USH2A: variants seen among roughly 807,000 people sequenced by gnomAD.
USH2A encodes the protein Usher syndrome 2A (autosomal recessive, mild).
A neutral mutation model predicts 538.9 loss-of-function variants in USH2A; 443 were observed. That is an observed-to-expected ratio of 0.82 (90% CI 0.76 to 0.89). USH2A has a LOEUF of 0.89. Among genes scored for constraint, USH2A ranks in the 40% least tolerant of loss-of-function variants. The pLI, the probability that USH2A is intolerant of heterozygous loss-of-function variation, is 0.00. For missense variants in USH2A, 6,633 were observed against 6,324.8 expected, an observed-to-expected ratio of 1.05 and a Z score of -1.65; for synonymous variants, 2,413 against 2,273.5, an observed-to-expected ratio of 1.06 and a Z score of -1.75.
chr1:216,393,018 T>C (rs573200539), intron 3 of USH2A, among the ~76,000 whole-genome samples: 18 of 152,356 alleles, frequency 1.2e-4, no homozygotes, highest in African/African-American at 3.8e-4. Flanking sequence ...TAAAAAGTGT[T>C]GTATACATAG....
At chr1:216,037,919 A>G (rs1273444771) in intron 32 of USH2A, among the ~76,000 whole-genome samples, 2 of 151,712 alleles carry the variant, frequency 1.3e-5, no homozygotes, top group African/African-American at 4.8e-5. Context: ...GCTCTCACTT[A>G]TAAGTGAGAA....
intron 3 of USH2A, among the ~76,000 whole-genome samples, chr1:216,411,567 G>A (rs997085869): frequency 6.6e-6 from 1 of 152,136 alleles, no homozygotes; most frequent in African/African-American, 2.4e-5. Context: ...GTAGCTACAA[G>A]CTAAGGAGCA....
chr1:216,261,179 T>C (rs2036363465), intron 11 of USH2A, among the ~76,000 whole-genome samples: 1 of 151,898 alleles, frequency 6.6e-6, no homozygotes, highest in South Asian at 2.1e-4. Context: ...GAATTAGAGA[T>C]GGAAGAAATC....
At chr1:215,713,708 T>C (rs1015675669) in intron 61 of USH2A, among the ~76,000 whole-genome samples, 5 of 152,262 alleles carry the variant, frequency 3.3e-5, no homozygotes, top group African/African-American at 1.2e-4. Context: ...TTGAAACTTT[T>C]ATCAATTGTT....
intron 2 of USH2A, among the ~76,000 whole-genome samples, chr1:216,420,869 T>C (rs2039664455): frequency 6.6e-6 from 1 of 152,158 alleles, no homozygotes; most frequent in Non-Finnish European, 1.5e-5. Flanking sequence ...ACTTGGCAAA[T>C]TGAAACTAAA....
At chr1:216,079,367 G>A (rs1175702523) in intron 26 of USH2A, among the ~76,000 whole-genome samples, 3 of 152,140 alleles carry the variant, frequency 2.0e-5, no homozygotes, top group African/African-American at 7.2e-5. Context: ...CAAGAAAGGA[G>A]TAAAGTGAAA....
intron 58 of USH2A, among the ~76,000 whole-genome samples, chr1:215,758,291 A>G (rs2102740739): frequency 6.6e-6 from 1 of 152,074 alleles, no homozygotes; most frequent in South Asian, 2.1e-4. Context: ...CGTCTCAAAA[A>G]AAAAAAAAAA....
At chr1:215,805,970 T>G (rs181046855) in intron 49 of USH2A, among the ~76,000 whole-genome samples, 8 of 118,724 alleles carry the variant, frequency 6.7e-5, no homozygotes, top group African/African-American at 2.9e-4. Context: ...TAGTGTATCT[T>G]AGAAAGACAC....
chr1:216,406,270 T>C (rs1223943150), intron 3 of USH2A, among the ~76,000 whole-genome samples: 2 of 152,210 alleles, frequency 1.3e-5, no homozygotes, highest in East Asian at 3.8e-4. Context: ...AAGATGTTAC[T>C]GATGAGAACA....
chr1:216,088,894 T>C, intron 23 of USH2A, 119 bp downstream of exon 23: 3 of 1,465,840 alleles, frequency 2.0e-6, no homozygotes, highest in Non-Finnish European at 2.8e-6. Context: ...TCAACAGCAA[T>C]ATATATGGAA....
At chr1:215,948,788 T>C (rs1666822876) in intron 37 of USH2A, among the ~76,000 whole-genome samples, 1 of 152,108 alleles carries the variant, frequency 6.6e-6, no homozygotes, top group Non-Finnish European at 1.5e-5. Flanking sequence ...TGGATAGGAA[T>C]ATTTGAAACA....
chr1:216,365,159 T>C, intron 3 of USH2A, 74 bp from the exon 4 acceptor site: 8 of 1,517,604 alleles, frequency 5.3e-6, no homozygotes, highest in Non-Finnish European at 7.1e-6. Flanking sequence ...TTCAGCAGTT[T>C]TTATTAAGTA....
At chr1:216,243,305 T>C (rs1302449766) in intron 13 of USH2A, among the ~76,000 whole-genome samples, 1 of 152,158 alleles carries the variant, frequency 6.6e-6, no homozygotes, top group Non-Finnish European at 1.5e-5. Context: ...AATAATGGGA[T>C]CTATCAATAA....
At chr1:215,807,882 A>T (rs538910895) in intron 49 of USH2A, among the ~76,000 whole-genome samples, 9 of 151,784 alleles carry the variant, frequency 5.9e-5, no homozygotes, top group Non-Finnish European at 8.8e-5. Context: ...ATTACTAAAC[A>T]TTTTTTTTCT....
At chr1:216,142,584 C>T (rs2033622770) in intron 21 of USH2A, among the ~76,000 whole-genome samples, 1 of 152,126 alleles carries the variant, frequency 6.6e-6, no homozygotes, top group Non-Finnish European at 1.5e-5. Flanking sequence ...CAACATTTTG[C>T]CTCTCTGAAA....
intron 14 of USH2A, among the ~76,000 whole-genome samples, chr1:216,228,615 C>T (rs1018798668): frequency 6.6e-6 from 1 of 152,130 alleles, no homozygotes; most frequent in African/African-American, 2.4e-5. Context: ...TGAGACGTGT[C>T]TTTCACCTTC....
intron 6 of USH2A, among the ~76,000 whole-genome samples, chr1:216,325,080 C>T (rs1449925546): frequency 6.6e-6 from 1 of 152,054 alleles, no homozygotes; most frequent in East Asian, 1.9e-4. Context: ...AGTTGTGGTG[C>T]CACAAGCCAA....
At chr1:215,847,636 C>G (rs1440592712) in intron 44 of USH2A, among the ~76,000 whole-genome samples, 1 of 150,676 alleles carries the variant, frequency 6.6e-6, no homozygotes, top group African/African-American at 2.4e-5. Flanking sequence ...CAGAATGAGA[C>G]CATGTCTCAG....
chr1:216,154,068 T>A (rs687476), intron 21 of USH2A, among the ~76,000 whole-genome samples: 136,673 of 152,206 alleles, frequency 0.9, 61,627 homozygotes, highest in East Asian at 0.98. Flanking sequence ...GTGCAGTAGC[T>A]TCAAGGCAAT....
Sources: allele counts gnomAD v4.1 joint callset (sites outside exome capture counted in the v4.1 genomes callset), GRCh38; gene constraint gnomAD v4.1.1; transcripts MANE v1.5; gene names NCBI Gene and HGNC (gene_info 2026-07-23, HGNC 2026-07-21).